Variants in EVI5 observed in about 807,000 individuals in gnomAD.
The protein encoded by EVI5 is ecotropic viral integration site 5 protein homolog.
A neutral mutation model predicts 112.0 loss-of-function variants in EVI5; 73 were observed. The observed-to-expected ratio is 0.65, with a 90% CI of 0.54 to 0.79. The LOEUF (loss-of-function observed/expected upper bound fraction) is 0.79. Among genes scored for constraint, EVI5 ranks in the 30% least tolerant of loss-of-function variants. EVI5 has a pLI of 0.00. For synonymous variants in EVI5, 305 were observed against 319.9 expected, an observed-to-expected ratio of 0.95 and a Z score of 0.50; for missense variants, 900 against 968.8, an observed-to-expected ratio of 0.93 and a Z score of 0.94.
chr1:92,650,002 G>C (rs1427004319), intron 13 of EVI5, among the ~76,000 whole-genome samples: 2 of 152,060 alleles, frequency 1.3e-5, no homozygotes, highest in African/African-American at 2.4e-5. Context: ...TAGATGTATG[G>C]GTTTATTTCT....
intron 18 of EVI5, among the ~76,000 whole-genome samples, chr1:92,569,796 G>A: frequency 6.9e-6 from 1 of 143,904 alleles, no homozygotes; most frequent in Non-Finnish European, 1.5e-5. Flanking sequence ...GGAGGTTGCA[G>A]TGAGCCGAGA....
chr1:92,533,791 G>C (rs1167610822), intron 19 of EVI5, among the ~76,000 whole-genome samples: 1 of 152,066 alleles, frequency 6.6e-6, no homozygotes, highest in Non-Finnish European at 1.5e-5. Flanking sequence ...AAAATAATAA[G>C]AGCTATTTAT....
intron 16 of EVI5, chr1:92,622,195 T>G: frequency 4.1e-6 from 1 of 241,110 alleles, no homozygotes; most frequent in Non-Finnish European, 8.4e-6. Flanking sequence ...GGGAATGTGT[T>G]GTATCTCTAT....
upstream of EVI5, among the ~76,000 whole-genome samples, chr1:92,788,501 C>CAAAACAAAACA (rs1553278938): frequency 6.9e-6 from 1 of 144,526 alleles, no homozygotes; most frequent in African/African-American, 2.7e-5. Flanking sequence ...CAAAACAAAA[C>CAAAACAAAACA]AAAAAAAAAA....
At chr1:92,688,304 G>A (rs1173355465) in intron 9 of EVI5, among the ~76,000 whole-genome samples, 1 of 152,142 alleles carries the variant, frequency 6.6e-6, no homozygotes, top group African/African-American at 2.4e-5. Context: ...AACACCGCAT[G>A]CTCTCACTCA....
At chr1:92,593,504 C>T (rs534220180) in intron 18 of EVI5, among the ~76,000 whole-genome samples, 35 of 152,224 alleles carry the variant, frequency 2.3e-4, no homozygotes, top group Middle Eastern at 6.8e-3. Flanking sequence ...CTTTGAAAAC[C>T]GGCACAAGAC....
chr1:92,549,123 C>T (rs1180211088), intron 19 of EVI5, among the ~76,000 whole-genome samples: 1 of 152,184 alleles, frequency 6.6e-6, no homozygotes, highest in Non-Finnish European at 1.5e-5. Context: ...GTAACCAAAA[C>T]AGCATGGTAC....
chr1:92,746,103 C>A lies in EVI5; in HGVS notation c.-81-9476G>T, dbSNP rs532718136. On this transcript the variant is annotated intron_variant, in intron 1 of 19. Transcript: ENST00000684568. ...AGGCAGCCAACATTGAACCCATGTT[C>A]TAATAAAGCAAATGCCAAGCTGTAA... Among the ~76,000 whole-genome samples the A allele has an allele frequency of 3.2e-3, 488 of 152,314 alleles. 3 individuals carry two copies. The highest frequency in any genetic ancestry group is 3.3e-3 in the Non-Finnish European group (223 of 68,022).
chr1:92,550,543 C>T (rs1440816261), intron 19 of EVI5, among the ~76,000 whole-genome samples: 5 of 148,764 alleles, frequency 3.4e-5, no homozygotes, highest in Non-Finnish European at 5.9e-5. Flanking sequence ...GTCAGGAGAT[C>T]GAGACCATCC....
chr1:92,608,146 G>A (rs1431251663), intron 16 of EVI5, among the ~76,000 whole-genome samples: 3 of 147,698 alleles, frequency 2.0e-5, no homozygotes, highest in Admixed American at 6.7e-5. Context: ...GCGAGACTCC[G>A]TCTCAAAAAA....
At chr1:92,792,298 T>G (rs1036412567) in intron 1 of EVI5, 2 of 1,279,646 alleles carry the variant, frequency 1.6e-6, no homozygotes, top group Admixed American at 1.7e-5. Flanking sequence ...GCAATTACAT[T>G]TTTATAAGTT....
chr1:92,705,450 A>G (rs892456114), intron 2 of EVI5, among the ~76,000 whole-genome samples: 1 of 152,180 alleles, frequency 6.6e-6, no homozygotes, highest in Non-Finnish European at 1.5e-5. Context: ...TCTTCCTTCA[A>G]ATGCAGAAGG....
At chr1:92,520,435 T>C (rs1200640383) in intron 19 of EVI5, among the ~76,000 whole-genome samples, 2 of 152,146 alleles carry the variant, frequency 1.3e-5, no homozygotes, top group Non-Finnish European at 2.9e-5. Flanking sequence ...TGTAAATTAA[T>C]CTAACAAAAA....
At chr1:92,739,923 C>A (rs1678092273) in intron 1 of EVI5, among the ~76,000 whole-genome samples, 1 of 150,700 alleles carries the variant, frequency 6.6e-6, no homozygotes, top group Non-Finnish European at 1.5e-5. Flanking sequence ...TGTGCCATCA[C>A]CGAGAGTCAA....
At chr1:92,595,365 T>C (rs922677288) in intron 18 of EVI5, among the ~76,000 whole-genome samples, 1 of 151,056 alleles carries the variant, frequency 6.6e-6, no homozygotes, top group Non-Finnish European at 1.5e-5. Flanking sequence ...AATTGAACAA[T>C]GAGAACACAC....
intron 9 of EVI5, among the ~76,000 whole-genome samples, chr1:92,681,462 TA>T (rs1157945621): frequency 6.6e-6 from 1 of 152,146 alleles, no homozygotes; most frequent in Non-Finnish European, 1.5e-5. Context: ...TATACCAACG[TA>T]AAAATTCATC....
At chr1:92,706,712 T>C (rs914996143) in intron 2 of EVI5, among the ~76,000 whole-genome samples, 2 of 152,188 alleles carry the variant, frequency 1.3e-5, no homozygotes, top group Non-Finnish European at 2.9e-5. Context: ...CAGTTAACCT[T>C]CCGAGAACAT....
Position 92,563,718 on chromosome 1 carries a change from T to A in EVI5, c.2090A>T (p.Gln697Leu). ...AGAATCAGACTTGTTAAGCTGTCCTTGAAGCTTTCCTTCTTCTTTCTGTTT... is the reference window on the plus strand; with the variant it reads ...AGAATCAGACTTGTTAAGCTGTCCTAGAAGCTTTCCTTCTTCTTTCTGTTT... ...LEIQKEEGKL[Q>L]GQLNKSDSNQ... Residue 697 changes from glutamine (Q) to leucine (L), a missense_variant, in exon 19 of 20, where the codon CAA becomes CTA. Gln to Leu is a moderately radical substitution (Grantham distance 113, BLOSUM62 -2). Coordinates refer to ENST00000684568, the MANE Select transcript of EVI5 (RefSeq NM_001350197.2). The A allele has an allele frequency of 6.2e-7, 1 of 1,606,306 alleles. No individual in the cohort carries two copies. Among genetic ancestry groups the A allele is most frequent in the Non-Finnish European group, 8.5e-7 (1 of 1,175,186 alleles).
intron 18 of EVI5, among the ~76,000 whole-genome samples, chr1:92,568,391 A>G (rs892466054): frequency 6.6e-6 from 1 of 151,046 alleles, no homozygotes; most frequent in Admixed American, 6.6e-5. Context: ...AAAAAAAAGG[A>G]AAAAAGAAAA....
Sources: allele counts gnomAD v4.1 joint callset (sites outside exome capture counted in the v4.1 genomes callset), GRCh38; gene constraint gnomAD v4.1.1; transcripts MANE v1.5; gene names NCBI Gene and HGNC (gene_info 2026-07-23, HGNC 2026-07-21).